The following ANO3 variants were observed in gnomAD, a reference collection of about 807,000 sequenced individuals.
ANO3 encodes anoctamin-3.
ANO3 carries 99 observed loss-of-function variants against 144.8 expected under a neutral mutation model. The ratio of observed to expected loss-of-function variants is 0.68; its 90% CI spans 0.58 to 0.81. The LOEUF (loss-of-function observed/expected upper bound fraction) is 0.81. Among genes scored for constraint, ANO3 ranks in the 30% least tolerant of loss-of-function variants. ANO3 has a pLI of 0.00. For synonymous variants in ANO3, 414 were observed against 392.6 expected (o/e 1.05, Z -0.64); for missense variants, 905 against 1,202.2 (o/e 0.75, Z 3.66).
At chr11:26,656,253 C>T (rs768655878) in intron 25 of ANO3, 48 bp downstream of exon 25, 2 of 1,535,886 alleles carry the variant, frequency 1.3e-6, no homozygotes, top group East Asian at 2.2e-5. Flanking sequence ...ATTCCAAGTA[C>T]TCCCCCCTGC....
intron 1 of ANO3, among the ~76,000 whole-genome samples, chr11:26,256,345 C>T (rs1853056245): frequency 6.6e-6 from 1 of 152,120 alleles, no homozygotes; most frequent in African/African-American, 2.4e-5. Context: ...GAATACTAGG[C>T]ATTCATTCAA....
intron 1 of ANO3, among the ~76,000 whole-genome samples, chr11:26,407,894 A>C (rs1376822143): frequency 6.6e-6 from 1 of 151,888 alleles, no homozygotes; most frequent in Non-Finnish European, 1.5e-5. Flanking sequence ...TACAGATGTT[A>C]CTACATGTTA....
Position 26,516,926 on chromosome 11 carries a change from AG to A in ANO3, c.692+1del. On this transcript the variant is annotated frameshift_variant and splice_region_variant, in exon 6 of 27. Transcript: ENST00000256737. LOFTEE classifies it high-confidence loss of function. The part of the protein sequence containing the change: ...AERLNIRMPF[R>X]KKCYYTDGRS... Reference sequence around the variant, plus strand: ...GAGGCTGAATATCAGGATGCCCTTCAGGTACTTTCAAATTTTACTTTATTTT... The same window carrying A: ...GAGGCTGAATATCAGGATGCCCTTCAGTACTTTCAAATTTTACTTTATTTT... 1 of 1,590,168 alleles carries A rather than the reference AG, an allele frequency of 6.3e-7. No individual in the cohort carries two copies. Among genetic ancestry groups the A allele is most frequent in the South Asian group, 1.1e-5 (1 of 89,402 alleles).
Position 26,425,468 on chromosome 11 carries a change from T to C in ANO3, c.47-16450T>C, listed in dbSNP as rs180870259. On this transcript the variant is annotated intron_variant, in intron 1 of 26. Coordinates refer to ENST00000256737, the MANE Select transcript of ANO3 (RefSeq NM_031418.4). ...TACTCATAAAGTGACCACAAAATTATATAGGTAAAACAATTGAAACAAACA... is the reference window on the plus strand; with the variant it reads ...TACTCATAAAGTGACCACAAAATTACATAGGTAAAACAATTGAAACAAACA... Among the ~76,000 whole-genome samples the C allele has an allele frequency of 1.1e-3, 171 of 152,188 alleles. 3 individuals carry two copies. The East Asian group carries it at 0.027, about 24-fold the overall frequency.
chr11:26,417,007 G>C (rs147117415), intron 1 of ANO3, among the ~76,000 whole-genome samples: 1 of 152,122 alleles, frequency 6.6e-6, no homozygotes, highest in African/African-American at 2.4e-5. Context: ...ATGTAGCAAA[G>C]AGGCAAGACC....
intron 1 of ANO3, among the ~76,000 whole-genome samples, chr11:26,379,374 G>T (rs117329923): frequency 6.6e-6 from 1 of 152,276 alleles, no homozygotes; most frequent in East Asian, 1.9e-4. Context: ...CACTCAAACT[G>T]CTCTGTGAAG....
At chr11:26,455,966 A>T (rs534226292) in intron 3 of ANO3, among the ~76,000 whole-genome samples, 6 of 151,800 alleles carry the variant, frequency 4.0e-5, no homozygotes, top group African/African-American at 1.4e-4. Flanking sequence ...AAAAACAAGC[A>T]ATGGGGAAAG....
Position 26,201,478 on chromosome 11 carries a change from C to T in ANO3, c.154+12148C>T, listed in dbSNP as rs192878340. Among the ~76,000 whole-genome samples the T allele has an allele frequency of 1.5e-3, 224 of 151,974 alleles. 3 individuals carry two copies. Among genetic ancestry groups the T allele is most frequent in the South Asian group, 0.011 (53 of 4,820 alleles). On this transcript the variant is annotated intron_variant, in intron 1 of 27. Transcript: ENST00000672621. ...GGGATATTTTTTTCCAAATAAAAGT[C>T]GGCATATGTGACTTTACAAGAGCTA...
chr11:26,525,173 C>T (rs541309546), intron 6 of ANO3, among the ~76,000 whole-genome samples: 4 of 152,136 alleles, frequency 2.6e-5, no homozygotes, highest in Admixed American at 2.6e-4. Flanking sequence ...GACCCTACCT[C>T]TTTTTTCTCT....
At chr11:26,625,715 C>T (rs1017216342) in intron 18 of ANO3, among the ~76,000 whole-genome samples, 3 of 152,102 alleles carry the variant, frequency 2.0e-5, no homozygotes, top group Non-Finnish European at 4.4e-5. Flanking sequence ...TGATTTTCTT[C>T]TTAGAGTTAC....
intron 7 of ANO3, among the ~76,000 whole-genome samples, chr11:26,527,596 T>C (rs1371892028): frequency 6.6e-6 from 1 of 152,130 alleles, no homozygotes; most frequent in Non-Finnish European, 1.5e-5. Context: ...TTAGTTTCAC[T>C]TGTGCTTCTC....
chr11:26,629,498 CA>C (rs1852702236), intron 18 of ANO3, among the ~76,000 whole-genome samples: 1 of 152,070 alleles, frequency 6.6e-6, no homozygotes, highest in Admixed American at 6.6e-5. Flanking sequence ...TCCTTAGGTA[CA>C]AAGTTTGGCA....
At chr11:26,234,523 T>C (rs73439644) in intron 1 of ANO3, among the ~76,000 whole-genome samples, 2,428 of 152,240 alleles carry the variant, frequency 0.016, 81 homozygotes, top group African/African-American at 0.056. Context: ...ATTTACATCA[T>C]TTTAAAAACC....
chr11:26,639,108 G>A (rs761181042), intron 20 of ANO3, 36 bp from the exon 21 acceptor site: 6 of 1,436,128 alleles, frequency 4.2e-6, no homozygotes, highest in Middle Eastern at 1.8e-4. Context: ...CTGGGAAGAA[G>A]ACCAATATCA....
At chr11:26,358,616 G>A (rs1024729369) in intron 1 of ANO3, among the ~76,000 whole-genome samples, 1 of 151,856 alleles carries the variant, frequency 6.6e-6, no homozygotes, top group Non-Finnish European at 1.5e-5. Flanking sequence ...ATTGTGTTTG[G>A]AGTTTCTTAG....
rs80148780 is a variant in ANO3 at position 26,319,745 on chromosome 11, A to G, written c.-3+10026A>G. Among the ~76,000 whole-genome samples, 152 of 152,288 alleles carry G rather than the reference A, an allele frequency of 1.0e-3. 2 individuals carry two copies. In the East Asian group the frequency reaches 0.028, roughly 28 times the overall value. On this transcript the variant is annotated intron_variant, in intron 1 of 26. Transcript: ENST00000525139. ...CCTTGTTATTTTAACTTATATTTCT[A>G]TGACTTCCAGAGAAAAACATTTTAC...
chr11:26,340,199 A>T (rs900260382), intron 1 of ANO3, among the ~76,000 whole-genome samples: 4 of 152,232 alleles, frequency 2.6e-5, no homozygotes, highest in African/African-American at 7.2e-5. Flanking sequence ...TTGGTGCACA[A>T]GTAAAATGTC....
At chr11:26,373,003 C>G (rs149875747) in intron 1 of ANO3, among the ~76,000 whole-genome samples, 1 of 151,812 alleles carries the variant, frequency 6.6e-6, no homozygotes, top group Admixed American at 6.6e-5. Flanking sequence ...TTTTTACTAC[C>G]TAGAAATTAC....
intron 1 of ANO3, among the ~76,000 whole-genome samples, chr11:26,294,158 A>G (rs796684791): frequency 6.6e-5 from 10 of 152,320 alleles, no homozygotes; most frequent in African/African-American, 2.4e-4. Flanking sequence ...TTTGGAAATT[A>G]TAGTCTATAA....
Sources: gnomAD v4.1 joint callset for allele counts (sites outside exome capture counted in the v4.1 genomes callset) on GRCh38, gnomAD v4.1.1 for gene constraint, MANE v1.5 for transcripts, NCBI Gene and HGNC (gene_info 2026-07-23, HGNC 2026-07-21) for gene names.